Variants in ST18 observed in about 807,000 individuals in gnomAD.
ST18 encodes the protein ST18 C2H2C-type zinc finger transcription factor.
Under a neutral mutation model 110.0 loss-of-function variants are expected in ST18, and 50 were observed. The ratio of observed to expected loss-of-function variants is 0.45; its 90% confidence interval spans 0.36 to 0.58. The LOEUF is 0.58. Ranked by LOEUF, ST18 falls within the 20% of genes least tolerant of loss-of-function variation. ST18 has a pLI of 0.00. For synonymous variants in ST18, 461 were observed against 452.4 expected, an observed-to-expected ratio of 1.02 and a Z score of -0.24; for missense variants, 1,306 against 1,280.1, an observed-to-expected ratio of 1.02 and a Z score of -0.31.
intron 16 of ST18, among the ~76,000 whole-genome samples, chr8:52,146,122 C>T (rs1443461059): frequency 2.0e-5 from 3 of 152,018 alleles, no homozygotes; most frequent in Non-Finnish European, 4.4e-5. Flanking sequence ...AAGGGAAAGA[C>T]GTGGGTGGGA....
intron 8 of ST18, among the ~76,000 whole-genome samples, chr8:52,188,705 T>A (rs539576088): frequency 2.0e-5 from 3 of 152,174 alleles, no homozygotes; most frequent in Admixed American, 6.5e-5. Flanking sequence ...AGATGAGAGA[T>A]GTGAGTGATT....
At chr8:52,245,892 G>T (rs970406526) in intron 2 of ST18, among the ~76,000 whole-genome samples, 3 of 152,040 alleles carry the variant, frequency 2.0e-5, no homozygotes, top group Non-Finnish European at 4.4e-5. Context: ...TGACATTTTT[G>T]CAGGTCATTG....
At chr8:52,171,178 G>A (rs542610296) in intron 10 of ST18, among the ~76,000 whole-genome samples, 5 of 152,264 alleles carry the variant, frequency 3.3e-5, no homozygotes, top group East Asian at 1.9e-4. Flanking sequence ...GCAAGACTCC[G>A]GGGAGAAAGA....
intron 2 of ST18, among the ~76,000 whole-genome samples, chr8:52,259,350 G>T (rs2094612556): frequency 6.6e-6 from 1 of 152,036 alleles, no homozygotes; most frequent in African/African-American, 2.4e-5. Context: ...CTGTTGCCTG[G>T]GATTAAACCA....
At chr8:52,215,582 A>C (rs1185365557) in intron 6 of ST18, among the ~76,000 whole-genome samples, 1 of 152,264 alleles carries the variant, frequency 6.6e-6, no homozygotes, top group African/African-American at 2.4e-5. Context: ...ACTGCTTTTT[A>C]AACTAGCAAA....
At chr8:52,402,539 G>A (rs1284279177) in intron 2 of ST18, among the ~76,000 whole-genome samples, 1 of 152,166 alleles carries the variant, frequency 6.6e-6, no homozygotes, top group Non-Finnish European at 1.5e-5. Flanking sequence ...TAGACGCTCA[G>A]TCCCCAGAGA....
intron 8 of ST18, among the ~76,000 whole-genome samples, chr8:52,195,783 C>T (rs189596741): frequency 1.3e-5 from 2 of 152,250 alleles, no homozygotes; most frequent in African/African-American, 4.8e-5. Flanking sequence ...TTTACCTTAA[C>T]TAACTTGGTG....
intron 2 of ST18, among the ~76,000 whole-genome samples, chr8:52,281,686 C>T (rs1236854348): frequency 6.6e-6 from 1 of 152,128 alleles, no homozygotes; most frequent in Admixed American, 6.5e-5. Context: ...GAATGTGGCA[C>T]ATGTATACCA....
At chr8:52,357,883 T>C (rs1429259742) in intron 2 of ST18, among the ~76,000 whole-genome samples, 2 of 150,664 alleles carry the variant, frequency 1.3e-5, no homozygotes, top group East Asian at 3.9e-4. Flanking sequence ...GCGCTCCACC[T>C]CACAGCTACA....
At chr8:52,126,828 TA>T (rs2047282911) in intron 22 of ST18, among the ~76,000 whole-genome samples, 1 of 152,224 alleles carries the variant, frequency 6.6e-6, no homozygotes, top group Non-Finnish European at 1.5e-5. Flanking sequence ...CCCTTCCATT[TA>T]GTAGTGGCAC....
chr8:52,363,217 G>GA (rs926046452), intron 2 of ST18, among the ~76,000 whole-genome samples: 55 of 148,604 alleles, frequency 3.7e-4, no homozygotes, highest in African/African-American at 1.0e-3. Flanking sequence ...TCTCAAAAAA[G>GA]AAAAAAAAAA....
intron 2 of ST18, among the ~76,000 whole-genome samples, chr8:52,375,268 C>T (rs1430942972): frequency 2.6e-5 from 4 of 152,056 alleles, no homozygotes; most frequent in African/African-American, 7.2e-5. Context: ...TCCCTGCAGC[C>T]GTCAACTCTT....
chr8:52,394,734 G>A (rs16917810), intron 2 of ST18, among the ~76,000 whole-genome samples: 11,290 of 152,100 alleles, frequency 0.074, 1,221 homozygotes, highest in African/African-American at 0.23. Flanking sequence ...ATTGTGCCTG[G>A]GTCCTTTACT....
Position 52,172,211 on chromosome 8 carries a change from C to G in ST18, c.650G>C (p.Arg217Thr). ...ATCTGTTAAAACATACTTTGGGACT[C>G]TAGGTGGTTTGGTTTCTTCTGAGAA... ...SNFSEETKPPRVPKYVLTDHK... is the reference protein window; with the variant it reads ...SNFSEETKPPTVPKYVLTDHK... The change falls in exon 10 of 26, where the codon AGA (arginine) becomes ACA (threonine). Residue 217 changes from arginine (R) to threonine (T), a missense_variant. Transcript: ENST00000689386. 2.5e-6 allele frequency: 4 copies of G among 1,614,116 alleles called. No homozygotes were observed. The highest frequency in any genetic ancestry group is 3.4e-6 in the Non-Finnish European group (4 of 1,180,028).
At chr8:52,362,409 C>A (rs1325967079) in intron 2 of ST18, among the ~76,000 whole-genome samples, 1 of 152,140 alleles carries the variant, frequency 6.6e-6, no homozygotes, top group Non-Finnish European at 1.5e-5. Flanking sequence ...CTGCCAGGCT[C>A]CCTCCATTCA....
intron 18 of ST18, among the ~76,000 whole-genome samples, chr8:52,137,027 TAA>T (rs1303598214): frequency 1.3e-5 from 2 of 152,180 alleles, no homozygotes; most frequent in African/African-American, 4.8e-5. Flanking sequence ...GTAGAAAGAT[TAA>T]AGCAACTCCT....
intron 16 of ST18, among the ~76,000 whole-genome samples, chr8:52,144,698 TAA>T (rs1259531618): frequency 6.6e-6 from 1 of 152,114 alleles, no homozygotes; most frequent in Non-Finnish European, 1.5e-5. Flanking sequence ...CAGAAGCCGA[TAA>T]AAAGACAGGA....
intron 2 of ST18, among the ~76,000 whole-genome samples, chr8:52,283,209 A>G (rs971410047): frequency 1.3e-5 from 2 of 152,242 alleles, no homozygotes; most frequent in African/African-American, 4.8e-5. Flanking sequence ...GGATGGAAAT[A>G]AACTAGGAGA....
intron 23 of ST18, among the ~76,000 whole-genome samples, chr8:52,123,862 C>A (rs1311106465): frequency 1.3e-5 from 2 of 152,198 alleles, no homozygotes; most frequent in African/African-American, 4.8e-5. Context: ...CTGTATTTAT[C>A]TTTCTTAGGA....
Sources: gnomAD v4.1 joint callset for allele counts (sites outside exome capture counted in the v4.1 genomes callset) on GRCh38, gnomAD v4.1.1 for gene constraint, MANE v1.5 for transcripts, NCBI Gene and HGNC (gene_info 2026-07-23, HGNC 2026-07-21) for gene names.